ACSS3: variants seen among roughly 807,000 people sequenced by gnomAD.
ACSS3 encodes acyl-CoA synthetase short-chain family member 3, mitochondrial.
In ACSS3, 64 loss-of-function variants were observed where a neutral mutation model predicts 84.2. The observed-to-expected ratio is 0.76, with a 90% CI of 0.62 to 0.94. The LOEUF (loss-of-function observed/expected upper bound fraction) is 0.94. Ranked by LOEUF, ACSS3 falls within the 40% of genes least tolerant of loss-of-function variation. The pLI, the probability that ACSS3 is intolerant of heterozygous loss-of-function variation, is 0.00. For missense variants in ACSS3, 815 were observed against 867.6 expected (o/e 0.94, Z 0.76); for synonymous variants, 317 against 310.1 (o/e 1.02, Z -0.23).
At chr12:81,220,279 A>C (rs901032613) in intron 11 of ACSS3, among the ~76,000 whole-genome samples, 1 of 152,034 alleles carries the variant, frequency 6.6e-6, no homozygotes, top group Admixed American at 6.6e-5. Flanking sequence ...ATTTTCAAAA[A>C]CCACAAATTT....
In ACSS3 at chr12:81,260,865, G is replaced by C. The variant is rs1336384478; in HGVS notation, c.*5943G>C. 1.3e-5 allele frequency: 2 copies of C among 151,910 alleles called. No homozygotes were observed. The highest frequency in any genetic ancestry group is 4.8e-5 in the African/African-American group (2 of 41,348). The allele number at this position is 151,910 out of a possible 1,614,324, so 9.4% of individuals were successfully genotyped here. Reference sequence around the variant, plus strand: ...CTAAAATATTGATTCATCGAAAGTGGTTAAATATTTTGGTAAAGCATAGTT... The same window carrying C: ...CTAAAATATTGATTCATCGAAAGTGCTTAAATATTTTGGTAAAGCATAGTT... On this transcript the variant is annotated 3_prime_UTR_variant, in exon 16 of 16. Transcript: ENST00000548058.
chr12:81,247,594 T>C (rs886682926), intron 13 of ACSS3, among the ~76,000 whole-genome samples: 1 of 152,108 alleles, frequency 6.6e-6, no homozygotes, highest in Non-Finnish European at 1.5e-5. Flanking sequence ...TCTCTATATA[T>C]GAATTAAATG....
chr12:81,212,706 A>G (rs1396276777), intron 9 of ACSS3, among the ~76,000 whole-genome samples: 1 of 152,178 alleles, frequency 6.6e-6, no homozygotes, highest in Non-Finnish European at 1.5e-5. Context: ...AAAAATATGT[A>G]TCTAGTTGTC....
chr12:81,243,516 G>A (rs2033880759), intron 13 of ACSS3, among the ~76,000 whole-genome samples: 1 of 152,056 alleles, frequency 6.6e-6, no homozygotes, highest in South Asian at 2.1e-4. Flanking sequence ...CTACTTTAAA[G>A]TTCATATGGA....
At chr12:81,107,512 ATATATAT>A in intron 1 of ACSS3, among the ~76,000 whole-genome samples, 1 of 6,112 alleles carries the variant, frequency 1.6e-4, no homozygotes, top group Non-Finnish European at 3.4e-4. Context: ...AAATATATAC[ATATATAT>A]ATATATATAT....
chr12:81,139,305 A>G (rs1885965591), intron 4 of ACSS3, 40 bp downstream of exon 4: 1 of 1,598,000 alleles, frequency 6.3e-7, no homozygotes, highest in African/African-American at 1.3e-5. Context: ...TTATGGTAAT[A>G]TGCTAAGAAT....
At chr12:81,215,375 TA>T (rs2032872182) in intron 9 of ACSS3, among the ~76,000 whole-genome samples, 1 of 152,182 alleles carries the variant, frequency 6.6e-6, no homozygotes, top group South Asian at 2.1e-4. Flanking sequence ...AACTGTGACT[TA>T]GGAACTGTGT....
chr12:81,107,000 G>A (rs1229387228), intron 1 of ACSS3, among the ~76,000 whole-genome samples: 2 of 151,856 alleles, frequency 1.3e-5, no homozygotes, highest in African/African-American at 4.8e-5. Context: ...AGCTGTGGGG[G>A]TGGGGGTGGA....
rs58156251 is a variant in ACSS3, at chr12:81,156,185, AACAC to A, written c.1098+4108_1098+4111del. ...AGGTCAAATAGGAAATATCCAGGAA[AACAC>A]ACACACACACACACACACCCCACAC... On this transcript the variant is annotated intron_variant, in intron 7 of 15. Transcript: ENST00000548058. 3.9e-3 allele frequency among the ~76,000 whole-genome samples: 555 copies of A among 141,818 alleles called. 4 individuals are homozygous for A. Among genetic ancestry groups the A allele is most frequent in the African/African-American group, 0.013 (519 of 39,594 alleles). 93.0% of individuals were successfully genotyped at this position (141,818 alleles called of 152,430 possible).
intron 2 of ACSS3, among the ~76,000 whole-genome samples, chr12:81,117,512 A>G (rs1212590155): frequency 6.6e-6 from 1 of 152,104 alleles, no homozygotes; most frequent in African/African-American, 2.4e-5. Context: ...TGAAAATTGT[A>G]TTAGGGCTCT....
At chr12:81,194,369 T>C (rs1009190682) in intron 8 of ACSS3, among the ~76,000 whole-genome samples, 3 of 151,896 alleles carry the variant, frequency 2.0e-5, no homozygotes, top group Non-Finnish European at 2.9e-5. Context: ...CAGTCTGTAA[T>C]TGATAAAATA....
At chr12:81,178,235 G>A (rs1320603347) in intron 8 of ACSS3, among the ~76,000 whole-genome samples, 2 of 149,146 alleles carry the variant, frequency 1.3e-5, no homozygotes, top group East Asian at 2.0e-4. Context: ...AACACCGCAT[G>A]TTCTCACTCA....
chr12:81,234,246 G>A (rs1231338236), intron 13 of ACSS3, among the ~76,000 whole-genome samples: 1 of 151,036 alleles, frequency 6.6e-6, no homozygotes, highest in Non-Finnish European at 1.5e-5. Flanking sequence ...TTATGTTGCT[G>A]TATAGAATTT....
At chr12:81,223,544 C>G (rs1005676203) in intron 11 of ACSS3, among the ~76,000 whole-genome samples, 1 of 152,110 alleles carries the variant, frequency 6.6e-6, no homozygotes, top group Non-Finnish European at 1.5e-5. Context: ...AGCCTTATAA[C>G]AGCACTATGA....
intron 2 of ACSS3, among the ~76,000 whole-genome samples, chr12:81,132,934 T>G (rs191885744): frequency 2.4e-4 from 37 of 152,306 alleles, no homozygotes; most frequent in African/African-American, 8.9e-4. Context: ...CACTGAGATG[T>G]TTGGATATAA....
At chr12:81,150,219 G>T (rs1200355867) in intron 5 of ACSS3, among the ~76,000 whole-genome samples, 2 of 152,236 alleles carry the variant, frequency 1.3e-5, no homozygotes, top group Admixed American at 6.5e-5. Flanking sequence ...GGTTCTAAAT[G>T]CAGGGACATG....
chr12:81,213,074 A>G (rs1391471677), intron 9 of ACSS3, among the ~76,000 whole-genome samples: 1 of 152,144 alleles, frequency 6.6e-6, no homozygotes, highest in East Asian at 1.9e-4. Context: ...AGAATGCTCT[A>G]GTTTGTTTAT....
chr12:81,233,364 A>G lies in ACSS3; in HGVS notation c.1612A>G (p.Met538Val), dbSNP rs147512021. 2.5e-6 allele frequency: 4 copies of G among 1,610,610 alleles called. No individual in the cohort carries two copies. The African/African-American group carries it at 4.0e-5, about 16-fold the overall frequency. Residue 538 changes from methionine to valine, a missense_variant, in exon 13 of 16, where the codon ATG becomes GTG. By Grantham distance (21) the Met-to-Val change is conservative. Coordinates refer to ENST00000548058, the MANE Select transcript of ACSS3 (RefSeq NM_024560.4). ...TTGTTTTCAGGGATATTATGATACC[A>G]TGGATGCTGGTTACATGGATGAAGA... is the stretch of plus-strand genomic sequence containing the variant. ...FEKFPGYYDT[M>V]DAGYMDEEGY...
intron 7 of ACSS3, among the ~76,000 whole-genome samples, chr12:81,157,106 G>A (rs1886914847): frequency 6.6e-6 from 1 of 151,928 alleles, no homozygotes; most frequent in South Asian, 2.1e-4. Context: ...CAAAATATTA[G>A]CAAATATTTT....
Sources: allele counts gnomAD v4.1 joint callset (sites outside exome capture counted in the v4.1 genomes callset), GRCh38; gene constraint gnomAD v4.1.1; transcripts MANE v1.5; gene names NCBI Gene and HGNC (gene_info 2026-07-23, HGNC 2026-07-21).